SIRT2: variants seen among roughly 807,000 people sequenced by gnomAD.
The protein encoded by SIRT2 is sirtuin 2.
In SIRT2, 40 loss-of-function variants were observed where a neutral mutation model predicts 57.4. The ratio of observed to expected loss-of-function variants is 0.70; its 90% CI spans 0.54 to 0.91. The LOEUF (loss-of-function observed/expected upper bound fraction) is 0.91, where lower values mean the gene tolerates loss of function less well. Among genes scored for constraint, SIRT2 ranks in the 40% least tolerant of loss-of-function variants. The pLI is 0.00. For synonymous variants in SIRT2, 161 were observed against 195.7 expected (o/e 0.82, Z 1.48); for missense variants, 439 against 510.4 (o/e 0.86, Z 1.35).
chr19:38,888,052 C>A (rs1184854935), intron 8 of SIRT2, among the ~76,000 whole-genome samples: 1 of 152,164 alleles, frequency 6.6e-6, no homozygotes, highest in Admixed American at 6.6e-5. Context: ...CCGCGCCCGG[C>A]CACCTGTTTT....
intron 9 of SIRT2, among the ~76,000 whole-genome samples, chr19:38,882,159 G>A (rs1973174598): frequency 6.6e-6 from 1 of 151,556 alleles, no homozygotes; most frequent in African/African-American, 2.4e-5. Context: ...TGGGCTCACA[G>A]GCATCCACCA....
chr19:38,882,635 C>CA (rs58017382), intron 9 of SIRT2, among the ~76,000 whole-genome samples: 5,995 of 117,958 alleles, frequency 0.051, 343 homozygotes, highest in African/African-American at 0.15. Flanking sequence ...GACTCCATCT[C>CA]AAAAAAAAAA....
chr19:38,892,808 C>T (rs1285629158), intron 4 of SIRT2, among the ~76,000 whole-genome samples: 1 of 152,016 alleles, frequency 6.6e-6, no homozygotes, highest in Admixed American at 6.6e-5. Flanking sequence ...GAACGCCTGG[C>T]GTTGAGTGAT....
chr19:38,883,789 G>C, intron 8 of SIRT2, 33 bp from the exon 9 acceptor site: 1 of 1,611,084 alleles, frequency 6.2e-7, no homozygotes, highest in Non-Finnish European at 8.5e-7. Flanking sequence ...GAGGGGTGAG[G>C]AGTGAGCCAC....
Position 38,879,066 on chromosome 19 carries a change from A to G in SIRT2, c.*89T>C. ...TTGGGGGATGTTCTGAGCTCCCCAG[A>G]CAAGAACTGCTGGTTAAGAGGGGGC... On this transcript the variant is annotated 3_prime_UTR_variant, in exon 16 of 16. Transcript: ENST00000249396. 7.2e-7 allele frequency: 1 copy of G among 1,390,282 alleles called. No homozygotes were observed. The highest frequency in any genetic ancestry group is 9.7e-7 in the Non-Finnish European group (1 of 1,034,974). The allele number at this position is 1,390,282 out of a possible 1,614,324, so 86.1% of individuals were successfully genotyped here. A position where few individuals can be genotyped will look rare whatever the true frequency, so the allele number is the denominator to read the frequency against.
chr19:38,895,611 C>T (rs1973690801), intron 2 of SIRT2, among the ~76,000 whole-genome samples: 2 of 152,218 alleles, frequency 1.3e-5, no homozygotes, highest in African/African-American at 2.4e-5. Context: ...CCCTTCCGAA[C>T]ATACGACAAT....
Position 38,889,508 on chromosome 19 carries a change from G to A in SIRT2, c.432+181C>T, listed in dbSNP as rs79700680. The A allele has an allele frequency of 3.2e-5, 22 of 692,902 alleles. No individual in the cohort carries two copies. In the East Asian group the frequency reaches 4.1e-4, roughly 13 times the overall value. The allele number at this position is 692,902 out of a possible 1,614,324, so 42.9% of individuals were successfully genotyped here. ...AGCTTCACTTCACAGGAGGCAAATC[G>A]GAGGCTCAAGGTCGTAAGATGAAGA... is the stretch of plus-strand genomic sequence containing the variant. On this transcript the variant is annotated intron_variant, in intron 7 of 15. Coordinates refer to ENST00000249396, the MANE Select transcript of SIRT2 (RefSeq NM_012237.4).
At chr19:38,885,677 G>A (rs1376727802) in intron 8 of SIRT2, among the ~76,000 whole-genome samples, 4 of 147,876 alleles carry the variant, frequency 2.7e-5, no homozygotes, top group Admixed American at 7.0e-5. Context: ...TGCAAGCTCC[G>A]CCTCCCAGGT....
rs530224574 is a variant in SIRT2 at position 38,897,423 on chromosome 19, C to G, written c.63+956G>C. 1.1e-4 allele frequency among the ~76,000 whole-genome samples: 17 copies of G among 152,340 alleles called. No individual in the cohort carries two copies. The East Asian group carries it at 3.3e-3, about 29-fold the overall frequency. ...TCTGTATCTTGGTCTGACAGCTAGA[C>G]CAGCCTGTGGATTCCTCCAGGGAAT... is the stretch of plus-strand genomic sequence containing the variant. On this transcript the variant is annotated intron_variant, in intron 2 of 15. Coordinates refer to ENST00000249396, the MANE Select transcript of SIRT2 (RefSeq NM_012237.4).
chr19:38,890,191 C>T, intron 4 of SIRT2, 47 bp from the exon 5 acceptor site: 1 of 1,596,926 alleles, frequency 6.3e-7, no homozygotes, highest in Non-Finnish European at 8.6e-7. Flanking sequence ...TTGCTCAGTC[C>T]CTACGATAGC....
Position 38,881,416 on chromosome 19 carries a change from C to T in SIRT2, c.691+16G>A. On this transcript the variant is annotated intron_variant, in intron 10 of 15. Transcript: ENST00000249396. ...CACCCAAATCCACCTGGGCAGGTCCCTGGCCAGAGGCTCACCAGGCTTCAC... is the reference window on the plus strand; with the variant it reads ...CACCCAAATCCACCTGGGCAGGTCCTTGGCCAGAGGCTCACCAGGCTTCAC... 2 of 1,613,828 alleles carry T rather than the reference C, an allele frequency of 1.2e-6. No homozygotes were observed. Among genetic ancestry groups the T allele is most frequent in the Non-Finnish European group, 1.7e-6 (2 of 1,179,768 alleles).
chr19:38,893,776 C>G (rs755649127), intron 3 of SIRT2, 43 bp downstream of exon 3: 3 of 1,608,638 alleles, frequency 1.9e-6, no homozygotes, highest in South Asian at 1.1e-5. Context: ...AATCCCCCCG[C>G]CCCCCAGAAC....
At chr19:38,893,786 C>T in intron 3 of SIRT2, 33 bp downstream of exon 3, 1 of 1,611,196 alleles carries the variant, frequency 6.2e-7, no homozygotes, top group Non-Finnish European at 8.5e-7. Flanking sequence ...CCCCCCAGAA[C>T]CCTGCTCCCT....
chr19:38,881,013 C>G, intron 11 of SIRT2, 87 bp downstream of exon 11: 1 of 1,555,604 alleles, frequency 6.4e-7, no homozygotes. Context: ...GTGACCTTTC[C>G]TGAGGCAGGG....
chr19:38,894,064 TC>T, intron 2 of SIRT2, 197 bp from the exon 3 acceptor site: 1 of 1,146,376 alleles, frequency 8.7e-7, no homozygotes, highest in Non-Finnish European at 1.2e-6. Flanking sequence ...GCCATGCCCG[TC>T]CCCAGGAGCA....
rs201344394 is a variant in SIRT2, at chr19:38,893,819, T to C, written c.112A>G (p.Met38Val). Residue 38 changes from methionine to valine, a missense_variant and splice_region_variant, in exon 3 of 16, where the codon ATG (methionine) becomes GTG (valine). Met to Val is a conservative substitution (Grantham distance 21). Coordinates refer to ENST00000249396, the MANE Select transcript of SIRT2 (RefSeq NM_012237.4). ...CCTGTCCCTCCAGGAAGATACTCAC[T>C]GTCTGCTTCTCCACCAGCGGCTCCT... The part of the protein sequence containing the change: ...EGGAAGGEAD[M>V]DFLRNLFSQT... The C allele has an allele frequency of 8.1e-6, 13 of 1,613,602 alleles. No individual in the cohort carries two copies. Among genetic ancestry groups the C allele is most frequent in the Middle Eastern group, 1.6e-4 (1 of 6,084 alleles).
chr19:38,880,496 T>C lies in SIRT2; in HGVS notation c.876+189A>G, dbSNP rs1973112654. ...CTTCAGCTGGTTTGAGTTGGAATTC[T>C]ATCACTTGCTCAAAAGGGCAGTGAA... On this transcript the variant is annotated intron_variant, in intron 13 of 15. Coordinates refer to ENST00000249396, the MANE Select transcript of SIRT2 (RefSeq NM_012237.4). The surrounding 1 kb of genome is among the most constrained non-coding windows in gnomAD (Gnocchi z 4.1). The C allele has an allele frequency of 5.7e-6, 3 of 530,582 alleles. No individual in the cohort carries two copies. In the South Asian group the frequency reaches 1.0e-4, roughly 18 times the overall value. The allele number at this position is 530,582 out of a possible 1,614,324, so 32.9% of individuals were successfully genotyped here.
chr19:38,899,394 C>T, intron 1 of SIRT2, 112 bp downstream of exon 1: 3 of 1,250,680 alleles, frequency 2.4e-6, no homozygotes, highest in Non-Finnish European at 2.3e-6. Flanking sequence ...TCCCACTCCC[C>T]GAAGCGCTCC....
chr19:38,893,729 T>A (rs1973621583), intron 3 of SIRT2, 90 bp downstream of exon 3: 2 of 1,468,114 alleles, frequency 1.4e-6, no homozygotes, highest in East Asian at 4.5e-5. Flanking sequence ...TCACTCCTGA[T>A]GGAGTTGAGG....
Sources: gnomAD v4.1 joint callset for allele counts (sites outside exome capture counted in the v4.1 genomes callset) on GRCh38, gnomAD v4.1.1 for gene constraint, Gnocchi (gnomAD v3.1) non-coding constraint, MANE v1.5 for transcripts, NCBI Gene and HGNC (gene_info 2026-07-23, HGNC 2026-07-21) for gene names.